The following BRAF variants were observed in gnomAD, a reference collection of about 807,000 sequenced individuals.
BRAF encodes the protein serine/threonine-protein kinase B-raf.
BRAF carries 16 observed loss-of-function variants against 104.6 expected under a neutral mutation model. That is an observed-to-expected ratio of 0.15 (90% CI 0.10 to 0.23). BRAF has a LOEUF of 0.23. BRAF is among the 10% of genes least tolerant of loss of function. The pLI, the probability that BRAF is intolerant of heterozygous loss-of-function variation, is 1.00. For missense variants in BRAF, 541 were observed against 937.3 expected, an observed-to-expected ratio of 0.58 and a Z score of 5.52; for synonymous variants, 310 against 341.6, an observed-to-expected ratio of 0.91 and a Z score of 1.02.
Position 140,801,451 on chromosome 7 carries a change from G to A in BRAF, c.821C>T (p.Thr274Ile). The A allele has an allele frequency of 6.2e-7, 1 of 1,613,906 alleles. No homozygotes were observed. The highest frequency in any genetic ancestry group is 8.5e-7 in the Non-Finnish European group (1 of 1,179,872). ...ATTAACACACATCAGTGGAACTTCT[G>A]TACTACAACGCTGGTGAAATTTATA... ...CGYKFHQRCS[T>I]EVPLMCVNYD... The change falls in exon 6 of 20, where the codon ACA becomes ATA. Residue 274 changes from threonine (T) to isoleucine (I), a missense_variant. By Grantham distance (89) the Thr-to-Ile change is moderately conservative (BLOSUM62 -1). This residue lies in a region of BRAF where 19 missense variants were observed against 51.8 expected (regional missense o/e 0.37). Transcript: ENST00000644969.
intron 1 of BRAF, among the ~76,000 whole-genome samples, chr7:140,910,970 G>A: frequency 6.6e-6 from 1 of 152,074 alleles, no homozygotes; most frequent in East Asian, 1.9e-4. Flanking sequence ...CAACCAAAAC[G>A]CTAACTTCGC....
At chr7:140,923,494 G>A (rs1226735689) in intron 1 of BRAF, among the ~76,000 whole-genome samples, 1 of 152,092 alleles carries the variant, frequency 6.6e-6, no homozygotes, top group Non-Finnish European at 1.5e-5. Flanking sequence ...AAGGACTGGA[G>A]AGGAAAAAGG....
At chr7:140,900,725 C>T (rs1211468377) in intron 1 of BRAF, among the ~76,000 whole-genome samples, 3 of 152,142 alleles carry the variant, frequency 2.0e-5, no homozygotes, top group Non-Finnish European at 2.9e-5. Context: ...ATTCTTGGGC[C>T]TCAACCTCCC....
At chr7:140,736,774 C>A (rs960737012) in intron 18 of BRAF, among the ~76,000 whole-genome samples, 1 of 151,802 alleles carries the variant, frequency 6.6e-6, no homozygotes, top group African/African-American at 2.4e-5. Flanking sequence ...CTGGGGCTCA[C>A]GCCTGTAATC....
intron 1 of BRAF, among the ~76,000 whole-genome samples, chr7:140,860,927 C>G (rs1292731155): frequency 6.6e-6 from 1 of 152,032 alleles, no homozygotes; most frequent in Non-Finnish European, 1.5e-5. Flanking sequence ...CAAATGTTCC[C>G]TAAGAGAGAA....
chr7:140,809,390 A>G (rs1183142213), intron 3 of BRAF, among the ~76,000 whole-genome samples: 3 of 152,178 alleles, frequency 2.0e-5, no homozygotes, highest in Non-Finnish European at 4.4e-5. Context: ...CCCTTCAATC[A>G]CACTGACTGT....
intron 1 of BRAF, among the ~76,000 whole-genome samples, chr7:140,852,186 T>C (rs1809246135): frequency 6.6e-6 from 1 of 151,804 alleles, no homozygotes; most frequent in African/African-American, 2.4e-5. Flanking sequence ...CTGGGCAACA[T>C]AGCAAAACCC....
intron 1 of BRAF, among the ~76,000 whole-genome samples, chr7:140,899,240 G>C (rs1033113194): frequency 2.8e-5 from 3 of 107,786 alleles, no homozygotes; most frequent in Non-Finnish European, 5.1e-5. Context: ...GCAGGAACTT[G>C]TTAAAAATGC....
At chr7:140,758,812 T>A (rs186862908) in intron 14 of BRAF, among the ~76,000 whole-genome samples, 95 of 152,360 alleles carry the variant, frequency 6.2e-4, no homozygotes, top group African/African-American at 2.2e-3. Context: ...GCACCCATTT[T>A]ACATGGACAG....
Position 140,723,242 on chromosome 7 carries a change from C to G in BRAF, c.*3252G>C. The G allele has an allele frequency of 1.9e-6, 2 of 1,055,524 alleles. No homozygotes were observed. Among genetic ancestry groups the G allele is most frequent in the Non-Finnish European group, 2.3e-6 (2 of 873,262 alleles). 65.4% of individuals were successfully genotyped at this position (1,055,524 alleles called of 1,614,324 possible). On this transcript the variant is annotated 3_prime_UTR_variant, in exon 20 of 20. Coordinates refer to ENST00000644969, the MANE Select transcript of BRAF (RefSeq NM_001374258.1). ...CCGCCTGGTGAATACAAGGTAACATCCTGTGATGAAAGTGCTGTCACCGCA... is the reference window on the plus strand; with the variant it reads ...CCGCCTGGTGAATACAAGGTAACATGCTGTGATGAAAGTGCTGTCACCGCA...
chr7:140,777,902 C>A (rs1414937269), intron 13 of BRAF, 89 bp downstream of exon 12: 8 of 1,236,506 alleles, frequency 6.5e-6, no homozygotes, highest in Non-Finnish European at 9.4e-6. Flanking sequence ...TTGAGTAAAT[C>A]TGTAAAGCTA....
At chr7:140,741,308 GATA>G (rs1203284727) in intron 17 of BRAF, 1 of 152,176 alleles carries the variant, frequency 6.6e-6, no homozygotes, top group Non-Finnish European at 1.5e-5. Flanking sequence ...ACTTGCCCGA[GATA>G]ATACAGTTAA....
At chr7:140,911,827 T>C (rs201687231) in intron 1 of BRAF, among the ~76,000 whole-genome samples, 3 of 151,452 alleles carry the variant, frequency 2.0e-5, no homozygotes, top group Admixed American at 2.0e-4. Flanking sequence ...TAGTGGCAGG[T>C]ACTTCATTAA....
intron 1 of BRAF, among the ~76,000 whole-genome samples, chr7:140,915,353 T>C (rs1479922415): frequency 6.6e-6 from 1 of 152,066 alleles, no homozygotes; most frequent in East Asian, 1.9e-4. Flanking sequence ...TCTGGTGTTA[T>C]TAACTTAAAG....
intron 14 of BRAF, among the ~76,000 whole-genome samples, chr7:140,776,666 T>G (rs1049239497): frequency 2.0e-5 from 3 of 152,240 alleles, no homozygotes; most frequent in Admixed American, 6.5e-5. Flanking sequence ...GCTCAATCAC[T>G]GAGTGCTAAG....
chr7:140,830,486 C>T (rs549516105), intron 3 of BRAF, among the ~76,000 whole-genome samples: 1 of 152,248 alleles, frequency 6.6e-6, no homozygotes, highest in Admixed American at 6.5e-5. Context: ...TCATATTTGT[C>T]TTTGACCTTG....
At chr7:140,730,259 T>C (rs1167814478) in intron 19 of BRAF, among the ~76,000 whole-genome samples, 1 of 151,994 alleles carries the variant, frequency 6.6e-6, no homozygotes, top group African/African-American at 2.4e-5. Context: ...CTAGATACTC[T>C]ATGTCTTAAA....
chr7:140,917,842 T>C (rs116338189), intron 1 of BRAF, among the ~76,000 whole-genome samples: 4,337 of 152,226 alleles, frequency 0.028, 211 homozygotes, highest in African/African-American at 0.097. Context: ...TCATGACACA[T>C]GAAAATGATA....
At chr7:140,737,564 T>C (rs979058245) in intron 18 of BRAF, among the ~76,000 whole-genome samples, 1 of 152,228 alleles carries the variant, frequency 6.6e-6, no homozygotes, top group East Asian at 1.9e-4. Flanking sequence ...CATTTACTTT[T>C]TGTTATATAT....
Sources: allele counts gnomAD v4.1 joint callset (sites outside exome capture counted in the v4.1 genomes callset), GRCh38; gene constraint gnomAD v4.1.1; regional missense constraint gnomAD v4.1.1; transcripts MANE v1.5; gene names NCBI Gene and HGNC (gene_info 2026-07-23, HGNC 2026-07-21).